The following RBCK1 variants were observed in gnomAD, a reference collection of about 807,000 sequenced individuals.
RBCK1 encodes RANBP2-type and C3HC4-type zinc finger containing 1, also known as ranBP-type and C3HC4-type zinc finger-containing protein 1.
Under a neutral mutation model 71.1 loss-of-function variants are expected in RBCK1, and 44 were observed. The observed-to-expected ratio is 0.62, with a 90% CI of 0.49 to 0.80. RBCK1 has a LOEUF of 0.80. Ranked by LOEUF, RBCK1 falls within the 30% of genes least tolerant of loss-of-function variation. RBCK1 has a pLI of 0.00. For synonymous variants in RBCK1, 306 were observed against 279.7 expected, an observed-to-expected ratio of 1.09 and a Z score of -0.94; for missense variants, 569 against 685.0, an observed-to-expected ratio of 0.83 and a Z score of 1.89.
In RBCK1 at chr20:422,208, G is replaced by T. The variant is rs146181107; in HGVS notation, c.999G>T (p.Ser333=). 3.7e-6 allele frequency: 6 copies of T among 1,613,330 alleles called. No homozygotes were observed. The highest frequency in any genetic ancestry group is 5.1e-6 in the Non-Finnish European group (6 of 1,179,928). Residue 333 remains serine, a synonymous_variant, in exon 8 of 12, where the codon TCG becomes TCT. Transcript: ENST00000356286. The surrounding 1 kb of genome is among the most constrained non-coding windows in gnomAD (Gnocchi z 5.0). ...CPFIDNTYSC[S]GKLLEREIKA... ...TCATTGACAACACCTACTCGTGCTC[G>T]GGCAAGCTGCTGGAGAGGGAGATCA...
Position 431,655 on chromosome 20 carries a change from C to CCTGCCGTTGGATGCCAGGA in RBCK1, c.*1228_*1246dup, listed in dbSNP as rs1256080137. On this transcript the variant is annotated 3_prime_UTR_variant, in exon 12 of 12. Transcript: ENST00000356286. The surrounding 1 kb of genome is among the most constrained non-coding windows in gnomAD (Gnocchi z 4.8). ...TCTAGCAACTGGAAAGGCACTGCCA[C>CCTGCCGTTGGATGCCAGGA]CTGCCGTTGGATGCCAGGACTCAAG... Among the ~76,000 whole-genome samples the CCTGCCGTTGGATGCCAGGA allele has an allele frequency of 6.6e-6, 1 of 152,206 alleles. No individual in the cohort carries two copies. The highest frequency in any genetic ancestry group is 1.5e-5 in the Non-Finnish European group (1 of 68,036).
intron 1 of RBCK1, 160 bp from the exon 2 acceptor site, chr20:409,721 G>A (rs1303659796): frequency 4.4e-6 from 5 of 1,136,998 alleles, no homozygotes; most frequent in South Asian, 1.7e-5. Context: ...CCCTCCCGGA[G>A]AAAGGGACTT....
chr20:420,318 A>G (rs2016310611), intron 6 of RBCK1: 56 of 981,034 alleles, frequency 5.7e-5, no homozygotes, highest in Non-Finnish European at 6.6e-5. Flanking sequence ...CACTAATGAC[A>G]CAGACATTGA....
chr20:422,133 C>T lies in RBCK1; in HGVS notation c.924C>T (p.Cys308=), dbSNP rs1332854915. The T allele has an allele frequency of 2.5e-6, 4 of 1,611,618 alleles. No homozygotes were observed. Among genetic ancestry groups the T allele is most frequent in the Non-Finnish European group, 3.4e-6 (4 of 1,179,492 alleles). ...TTCCCCTCCCCTCCCCTAGGGAGTG[C>T]CTGCAGGGCACCATCCGCAACAGCC... ...RECLHTFCRE[C]LQGTIRNSQE... The change falls in exon 8 of 12, where the codon TGC becomes TGT. Residue 308 remains cysteine, a synonymous_variant. Coordinates refer to ENST00000356286, the MANE Select transcript of RBCK1 (RefSeq NM_031229.4). The surrounding 1 kb of genome is among the most constrained non-coding windows in gnomAD (Gnocchi z 5.0).
intron 4 of RBCK1, among the ~76,000 whole-genome samples, chr20:418,421 T>C (rs527633925): frequency 1.3e-5 from 2 of 152,016 alleles, no homozygotes; most frequent in East Asian, 3.9e-4. Context: ...CAGGCTGGAG[T>C]GCAGTGGCAC....
intron 2 of RBCK1, among the ~76,000 whole-genome samples, chr20:411,008 TAGC>T (rs1338912964): frequency 6.6e-6 from 1 of 152,176 alleles, no homozygotes; most frequent in East Asian, 1.9e-4. Flanking sequence ...TGGTACTCAT[TAGC>T]AGCCAGTCCT....
Position 432,014 on chromosome 20 carries a change from G to A in RBCK1, c.*1584G>A, listed in dbSNP as rs1437745918. On this transcript the variant is annotated 3_prime_UTR_variant, in exon 12 of 12. Coordinates refer to ENST00000356286, the MANE Select transcript of RBCK1 (RefSeq NM_031229.4). The surrounding 1 kb of genome is among the most constrained non-coding windows in gnomAD (Gnocchi z 4.3). ...AGACAAAAGCAGAGATTGTTCTCTTGTGGTACCACAGGCTGTAACCAGTCC... is the reference window on the plus strand; with the variant it reads ...AGACAAAAGCAGAGATTGTTCTCTTATGGTACCACAGGCTGTAACCAGTCC... Among the ~76,000 whole-genome samples, 5 of 152,254 alleles carry A rather than the reference G, an allele frequency of 3.3e-5. No homozygotes were observed. The highest frequency in any genetic ancestry group is 3.2e-3 in the Middle Eastern group (1 of 316).
chr20:421,506 G>A (rs1257447316), intron 7 of RBCK1, among the ~76,000 whole-genome samples: 2 of 152,196 alleles, frequency 1.3e-5, no homozygotes, highest in East Asian at 1.9e-4. Flanking sequence ...GATGAGAATC[G>A]GATAATCGCT....
At chr20:419,780 G>A in intron 6 of RBCK1, 49 bp downstream of exon 6, 1 of 1,509,952 alleles carries the variant, frequency 6.6e-7, no homozygotes. Flanking sequence ...CACGGGGGAG[G>A]TGTAGGCCAG....
intron 4 of RBCK1, among the ~76,000 whole-genome samples, chr20:418,651 A>G (rs1269097530): frequency 6.6e-6 from 1 of 152,178 alleles, no homozygotes; most frequent in Non-Finnish European, 1.5e-5. Context: ...TACAGGCGTG[A>G]GCCACCACGC....
Position 428,976 on chromosome 20 carries a change from T to C in RBCK1, c.1334T>C (p.Met445Thr), listed in dbSNP as rs2016878496. ...LKVMLQQGEA[M>T]RCPQCQIVVQ... is the part of the protein sequence containing the mutation. ...GTGATGCTGCAGCAGGGCGAGGCCA[T>C]GCGCTGCCCCCAGTGCCAGATCGTG... is the stretch of plus-strand genomic sequence containing the variant. The change falls in exon 11 of 12, where the codon ATG becomes ACG. Residue 445 changes from methionine to threonine, a missense_variant. By Grantham distance (81) the Met-to-Thr change is moderately conservative (BLOSUM62 -1). This residue lies in a region of RBCK1 where 211 missense variants were observed against 309.4 expected (regional missense o/e 0.68). Transcript: ENST00000356286. This position sits in a 1 kb window ranked among gnomAD's most constrained non-coding sequence, Gnocchi z 5.7. 4 of 1,610,688 alleles carry C rather than the reference T, an allele frequency of 2.5e-6. No individual in the cohort carries two copies. Among genetic ancestry groups the C allele is most frequent in the Non-Finnish European group, 3.4e-6 (4 of 1,179,816 alleles).
At chr20:425,036 A>G (rs1401001347) in intron 8 of RBCK1, among the ~76,000 whole-genome samples, 1 of 151,680 alleles carries the variant, frequency 6.6e-6, no homozygotes, top group Non-Finnish European at 1.5e-5. Flanking sequence ...TTTGAGATGA[A>G]GTCTCACTCT....
rs1278100989 is a variant in RBCK1, at chr20:430,285, C to T, written c.1453-65C>T. 9.1e-6 allele frequency: 13 copies of T among 1,426,170 alleles called. No homozygotes were observed. The highest frequency in any genetic ancestry group is 2.3e-5 in the South Asian group (2 of 86,846). The allele number at this position is 1,426,170 out of a possible 1,614,324, so 88.3% of individuals were successfully genotyped here. A position where few individuals can be genotyped will look rare whatever the true frequency, so the allele number is the denominator to read the frequency against. On this transcript the variant is annotated intron_variant, in intron 11 of 11. Coordinates refer to ENST00000356286, the MANE Select transcript of RBCK1 (RefSeq NM_031229.4). This position sits in a 1 kb window ranked among gnomAD's most constrained non-coding sequence, Gnocchi z 5.6. ...GAGGCAAAGGCCCGGGGTGGGAGAG[C>T]GCTCGGCTGTGGGGGCAGTCTCTGC... is the stretch of plus-strand genomic sequence containing the variant.
rs1308453984 is a variant in RBCK1 at position 420,266 on chromosome 20, G to T, written c.756+535G>T. ...CCTAGGGGGATGACCCCCGACCCCG[G>T]TCCTACGCCTTAGCCCTACCCCGCC... is the stretch of plus-strand genomic sequence containing the variant. On this transcript the variant is annotated intron_variant, in intron 6 of 11. Transcript: ENST00000356286. The T allele has an allele frequency of 3.0e-6, 3 of 984,752 alleles. No homozygotes were observed. The African/African-American group carries it at 5.3e-5, about 17-fold the overall frequency. The allele number at this position is 984,752 out of a possible 1,614,324, so 61.0% of individuals were successfully genotyped here.
At position 430,332 on chromosome 20, in the gene RBCK1, CT is replaced by C; in HGVS notation, c.1453-16del. On this transcript the variant is annotated splice_polypyrimidine_tract_variant and intron_variant, in intron 11 of 11. Coordinates refer to ENST00000356286, the MANE Select transcript of RBCK1 (RefSeq NM_031229.4). The surrounding 1 kb of genome is among the most constrained non-coding windows in gnomAD (Gnocchi z 5.6). ...CTGCACTGCGCTGACATTCTCTTCT[CT>C]TCCTCCCATCCTCTAGGGCCCAGGA... 1 of 1,589,508 alleles carries C rather than the reference CT, an allele frequency of 6.3e-7. No homozygotes were observed. The highest frequency in any genetic ancestry group is 8.6e-7 in the Non-Finnish European group (1 of 1,157,856).
chr20:426,815 CCTT>C (rs1241950801), intron 8 of RBCK1, among the ~76,000 whole-genome samples: 53 of 130,798 alleles, frequency 4.1e-4, no homozygotes, highest in African/African-American at 1.6e-3. Context: ...CTTTTCTTTT[CCTT>C]TTTTTTTTTT....
intron 8 of RBCK1, among the ~76,000 whole-genome samples, chr20:426,536 T>G (rs551698533): frequency 1.6e-3 from 238 of 152,318 alleles, no homozygotes; most frequent in Non-Finnish European, 2.3e-3. Context: ...AGGATTGCAT[T>G]CTTTTTTGTG....
intron 8 of RBCK1, among the ~76,000 whole-genome samples, chr20:424,825 A>G (rs1394572105): frequency 2.0e-5 from 3 of 152,220 alleles, no homozygotes; most frequent in Admixed American, 2.0e-4. Context: ...AAAATGGTCA[A>G]GTGTGACAGA....
rs778427692 is a variant in RBCK1 at position 431,741 on chromosome 20, C to G, written c.*1311C>G. On this transcript the variant is annotated 3_prime_UTR_variant, in exon 12 of 12. Transcript: ENST00000356286. This position sits in a 1 kb window ranked among gnomAD's most constrained non-coding sequence, Gnocchi z 4.8. Reference sequence around the variant, plus strand: ...GAATGTGTGAGTGGACTGGGTCCTTCGGCACTGCCTGCATTGGCTCAGGGC... The same window carrying G: ...GAATGTGTGAGTGGACTGGGTCCTTGGGCACTGCCTGCATTGGCTCAGGGC... Among the ~76,000 whole-genome samples, 1 of 152,198 alleles carries G rather than the reference C, an allele frequency of 6.6e-6. No individual in the cohort carries two copies. Among genetic ancestry groups the G allele is most frequent in the Non-Finnish European group, 1.5e-5 (1 of 68,032 alleles).
Sources: allele counts gnomAD v4.1 joint callset (sites outside exome capture counted in the v4.1 genomes callset), GRCh38; gene constraint gnomAD v4.1.1; regional missense constraint gnomAD v4.1.1; non-coding constraint Gnocchi (gnomAD v3.1); transcripts MANE v1.5; gene names NCBI Gene and HGNC (gene_info 2026-07-23, HGNC 2026-07-21).